Variants in ZFP36 observed in about 807,000 individuals in gnomAD.
ZFP36 encodes ZFP36 zinc finger CCCH-type.
Under a neutral mutation model 19.8 loss-of-function variants are expected in ZFP36, and 13 were observed. The observed-to-expected ratio is 0.66, with a 90% CI of 0.43 to 1.04. ZFP36 has a LOEUF of 1.04. Ranked by LOEUF, ZFP36 falls within the 50% of genes least tolerant of loss-of-function variation. The pLI is 0.00. For missense variants in ZFP36, 354 were observed against 441.6 expected (o/e 0.80, Z 1.78); for synonymous variants, 191 against 194.5 (o/e 0.98, Z 0.15).
In ZFP36 at chr19:39,407,091, C is replaced by A; in HGVS notation, c.24+163C>A. On this transcript the variant is annotated intron_variant, in intron 1 of 1. Coordinates refer to ENST00000597629, the MANE Select transcript of ZFP36 (RefSeq NM_003407.5). The surrounding 1 kb of genome is among the most constrained non-coding windows in gnomAD (Gnocchi z 7.6). Reference sequence around the variant, plus strand: ...CTGGGGCCCCTGCCTCCCGCTCAGACCAGCTTGGTGATTTGGAGGTGAAAA... The same window carrying A: ...CTGGGGCCCCTGCCTCCCGCTCAGAACAGCTTGGTGATTTGGAGGTGAAAA... 1.3e-6 allele frequency: 1 copy of A among 747,540 alleles called. No individual in the cohort carries two copies. Among genetic ancestry groups the A allele is most frequent in the Non-Finnish European group, 2.0e-6 (1 of 489,514 alleles). The allele number at this position is 747,540 out of a possible 1,614,324, so 46.3% of individuals were successfully genotyped here.
In ZFP36 at chr19:39,408,163, A is replaced by G; in HGVS notation, c.445A>G (p.Lys149Glu). 1.2e-6 allele frequency: 2 copies of G among 1,613,930 alleles called. No homozygotes were observed. ...CAAATACAAGACGGAACTCTGTCACAAGTTCTACCTCCAGGGCCGCTGCCC... is the reference window on the plus strand; with the variant it reads ...CAAATACAAGACGGAACTCTGTCACGAGTTCTACCTCCAGGGCCGCTGCCC... Reference protein sequence around the residue: ...HPKYKTELCHKFYLQGRCPYG... With the variant: ...HPKYKTELCHEFYLQGRCPYG... Residue 149 changes from lysine to glutamate, a missense_variant, in exon 2 of 2, where the codon AAG (lysine) becomes GAG (glutamate). Physicochemically the swap from Lys to Glu is moderately conservative, Grantham distance 56. Transcript: ENST00000597629. The surrounding 1 kb of genome is among the most constrained non-coding windows in gnomAD (Gnocchi z 6.0).
Position 39,408,798 on chromosome 19 carries a change from G to A in ZFP36, c.*99G>A. On this transcript the variant is annotated 3_prime_UTR_variant, in exon 2 of 2. Transcript: ENST00000597629. This position sits in a 1 kb window ranked among gnomAD's most constrained non-coding sequence, Gnocchi z 6.0. ...GACCCCAGGGCTGTGGGGACTTGGG[G>A]GACAGTAATCAAGTAATCCCCTTTT... 4.1e-6 allele frequency: 5 copies of A among 1,221,018 alleles called. No homozygotes were observed. Among genetic ancestry groups the A allele is most frequent in the Non-Finnish European group, 5.6e-6 (5 of 887,802 alleles). The allele number at this position is 1,221,018 out of a possible 1,614,324, so 75.6% of individuals were successfully genotyped here.
chr19:39,407,297 T>C lies in ZFP36; in HGVS notation c.24+369T>C. ...CGCGGAGGCGTCTCTGGGGCTGAAG[T>C]CTCAGGGTGGGGGGATCCGACTTCT... On this transcript the variant is annotated intron_variant, in intron 1 of 1. Coordinates refer to ENST00000597629, the MANE Select transcript of ZFP36 (RefSeq NM_003407.5). The surrounding 1 kb of genome is among the most constrained non-coding windows in gnomAD (Gnocchi z 7.6). 2.2e-6 allele frequency: 1 copy of C among 458,780 alleles called. No individual in the cohort carries two copies. The highest frequency in any genetic ancestry group is 3.8e-6 in the Non-Finnish European group (1 of 261,382). The allele number at this position is 458,780 out of a possible 1,614,324, so 28.4% of individuals were successfully genotyped here.
rs1414909836 is a variant in ZFP36, at chr19:39,408,968, G to C, written c.*269G>C. 1 of 346,528 alleles carries C rather than the reference G, an allele frequency of 2.9e-6. No individual in the cohort carries two copies. The highest frequency in any genetic ancestry group is 4.3e-5 in the Admixed American group (1 of 23,004). 21.5% of individuals were successfully genotyped at this position (346,528 alleles called of 1,614,324 possible). On this transcript the variant is annotated 3_prime_UTR_variant, in exon 2 of 2. Transcript: ENST00000597629. The surrounding 1 kb of genome is among the most constrained non-coding windows in gnomAD (Gnocchi z 6.0). ...TTGTAGCATATTTAAGGGAGGCAAT[G>C]AACCCTCTCCCCCACCTCTTCCCTG...
Position 39,407,738 on chromosome 19 carries a change from C to T in ZFP36, c.25-5C>T. The stretch of plus-strand genomic sequence containing the variant: ...TCAGGTGCCTTAACCGACCCATTTC[C>T]GCAGAGCCTCCTGTCGCTGAGCCCT... On this transcript the variant is annotated splice_polypyrimidine_tract_variant and splice_region_variant and intron_variant, in intron 1 of 1. Transcript: ENST00000597629. The surrounding 1 kb of genome is among the most constrained non-coding windows in gnomAD (Gnocchi z 7.6). 3 of 1,523,294 alleles carry T rather than the reference C, an allele frequency of 2.0e-6. No homozygotes were observed. Among genetic ancestry groups the T allele is most frequent in the Middle Eastern group, 2.4e-4 (1 of 4,130 alleles). 94.4% of individuals were successfully genotyped at this position (1,523,294 alleles called of 1,614,324 possible).
rs748479085 is a variant in ZFP36, at chr19:39,406,931, G to A, written c.24+3G>A. ...TGGATCTGACTGCCATCTACGAGGT[G>A]AGTCCCCGCCGCACGGCATCCCCGG... On this transcript the variant is annotated splice_donor_region_variant and intron_variant, in intron 1 of 1. Coordinates refer to ENST00000597629, the MANE Select transcript of ZFP36 (RefSeq NM_003407.5). 24 of 1,611,616 alleles carry A rather than the reference G, an allele frequency of 1.5e-5. No individual in the cohort carries two copies. The highest frequency in any genetic ancestry group is 2.0e-5 in the Non-Finnish European group (24 of 1,179,410).
At position 39,408,178 on chromosome 19, in the gene ZFP36, G is replaced by T; in HGVS notation, c.460G>T (p.Gly154Cys). 1 of 1,613,890 alleles carries T rather than the reference G, an allele frequency of 6.2e-7. No homozygotes were observed. Residue 154 changes from glycine to cysteine, a missense_variant, in exon 2 of 2, where the codon GGC becomes TGC. Coordinates refer to ENST00000597629, the MANE Select transcript of ZFP36 (RefSeq NM_003407.5). This position sits in a 1 kb window ranked among gnomAD's most constrained non-coding sequence, Gnocchi z 6.0. Reference sequence around the variant, plus strand: ...ACTCTGTCACAAGTTCTACCTCCAGGGCCGCTGCCCCTACGGCTCTCGCTG... The same window carrying T: ...ACTCTGTCACAAGTTCTACCTCCAGTGCCGCTGCCCCTACGGCTCTCGCTG... ...TELCHKFYLQ[G>C]RCPYGSRCHF...
chr19:39,407,096 T>C lies in ZFP36; in HGVS notation c.24+168T>C. The C allele has an allele frequency of 1.4e-6, 1 of 708,742 alleles. No homozygotes were observed. Among genetic ancestry groups the C allele is most frequent in the Non-Finnish European group, 2.2e-6 (1 of 458,276 alleles). The allele number at this position is 708,742 out of a possible 1,614,324, so 43.9% of individuals were successfully genotyped here. ...GCCCCTGCCTCCCGCTCAGACCAGC[T>C]TGGTGATTTGGAGGTGAAAATGGAA... On this transcript the variant is annotated intron_variant, in intron 1 of 1. Transcript: ENST00000597629. This position sits in a 1 kb window ranked among gnomAD's most constrained non-coding sequence, Gnocchi z 7.6.
chr19:39,408,491 C>T lies in ZFP36; in HGVS notation c.773C>T (p.Pro258Leu), dbSNP rs766897639. 6.2e-7 allele frequency: 1 copy of T among 1,605,564 alleles called. No individual in the cohort carries two copies. The highest frequency in any genetic ancestry group is 8.5e-7 in the Non-Finnish European group (1 of 1,175,224). ...VCCPSCRRAT[P>L]ISVWGPLGGL... ...TGCCCCTCCTGCCGAAGGGCCACTC[C>T]TATCAGCGTCTGGGGGCCCTTGGGT... The change falls in exon 2 of 2, where the codon CCT (proline) becomes CTT (leucine). Residue 258 changes from proline (P) to leucine (L), a missense_variant. By Grantham distance (98) the Pro-to-Leu change is moderately conservative (BLOSUM62 -3). Coordinates refer to ENST00000597629, the MANE Select transcript of ZFP36 (RefSeq NM_003407.5). This position sits in a 1 kb window ranked among gnomAD's most constrained non-coding sequence, Gnocchi z 6.0.
At position 39,408,850 on chromosome 19, in the gene ZFP36, A is replaced by G; in HGVS notation, c.*151A>G. On this transcript the variant is annotated 3_prime_UTR_variant, in exon 2 of 2. Transcript: ENST00000597629. The surrounding 1 kb of genome is among the most constrained non-coding windows in gnomAD (Gnocchi z 6.0). ...CAGAATGCATTAACCCACTCCCCTG[A>G]CCTCACGCTGGGGCAGGTCCCCAAG... 1.4e-6 allele frequency: 1 copy of G among 706,252 alleles called. No individual in the cohort carries two copies. The highest frequency in any genetic ancestry group is 2.2e-6 in the Non-Finnish European group (1 of 459,612). The allele number at this position is 706,252 out of a possible 1,614,324, so 43.7% of individuals were successfully genotyped here.
chr19:39,407,786 A>G lies in ZFP36; in HGVS notation c.68A>G (p.His23Arg). The G allele has an allele frequency of 6.3e-7, 1 of 1,577,708 alleles. No individual in the cohort carries two copies. The highest frequency in any genetic ancestry group is 1.2e-5 in the South Asian group (1 of 86,408). The change falls in exon 2 of 2, where the codon CAT (histidine) becomes CGT (arginine). Residue 23 changes from histidine (H) to arginine (R), a missense_variant. His to Arg is a conservative substitution (Grantham distance 29, BLOSUM62 0). Transcript: ENST00000597629. The surrounding 1 kb of genome is among the most constrained non-coding windows in gnomAD (Gnocchi z 7.6). ...LSPDVPVPSD[H>R]GGTESSPGWG... ...CCTGACGTGCCCGTGCCATCCGACC[A>G]TGGAGGGACTGAGTCCAGCCCAGGC...
At position 39,408,276 on chromosome 19, in the gene ZFP36, C is replaced by T. The variant is rs2078487966; in HGVS notation, c.558C>T (p.Ser186=). The T allele has an allele frequency of 6.2e-7, 1 of 1,613,482 alleles. No homozygotes were observed. Among genetic ancestry groups the T allele is most frequent in the Non-Finnish European group, 8.5e-7 (1 of 1,179,868 alleles). The change falls in exon 2 of 2, where the codon AGC becomes AGT. Residue 186 remains serine, a synonymous_variant. Transcript: ENST00000597629. The surrounding 1 kb of genome is among the most constrained non-coding windows in gnomAD (Gnocchi z 6.0). Reference sequence around the variant, plus strand: ...CTCCTGTGCTTCGCCAGAGCATCAGCTTCTCCGGCCTGCCCTCTGGCCGCC... The same window carrying T: ...CTCCTGTGCTTCGCCAGAGCATCAGTTTCTCCGGCCTGCCCTCTGGCCGCC... ...GHPPVLRQSI[S]FSGLPSGRRT...
At position 39,407,429 on chromosome 19, in the gene ZFP36, G is replaced by C. The variant is rs1021192154; in HGVS notation, c.25-314G>C. 2.4e-5 allele frequency: 10 copies of C among 412,064 alleles called. No individual in the cohort carries two copies. In the Admixed American group the frequency reaches 4.1e-4, roughly 17 times the overall value. 25.5% of individuals were successfully genotyped at this position (412,064 alleles called of 1,614,324 possible). A position where few individuals can be genotyped will look rare whatever the true frequency, so the allele number is the denominator to read the frequency against. ...CTCCAGTTGTGAAACTGGAGATCCCGACGCGTGGGTCATATCCGGGGAGGA... is the reference window on the plus strand; with the variant it reads ...CTCCAGTTGTGAAACTGGAGATCCCCACGCGTGGGTCATATCCGGGGAGGA... On this transcript the variant is annotated intron_variant, in intron 1 of 1. Coordinates refer to ENST00000597629, the MANE Select transcript of ZFP36 (RefSeq NM_003407.5). The surrounding 1 kb of genome is among the most constrained non-coding windows in gnomAD (Gnocchi z 7.6).
chr19:39,408,359 C>T lies in ZFP36; in HGVS notation c.641C>T (p.Ser214Leu). 1.2e-6 allele frequency: 2 copies of T among 1,613,742 alleles called. No homozygotes were observed. Among genetic ancestry groups the T allele is most frequent in the Non-Finnish European group, 1.7e-6 (2 of 1,179,958 alleles). ...CCTTCCCTGTCCTCCAGCTCCTTCT[C>T]GCCCTCCAGCTCCCCACCACCACCT... ...AGPSLSSSSF[S>L]PSSSPPPPGD... Residue 214 changes from serine to leucine, a missense_variant, in exon 2 of 2, where the codon TCG (serine) becomes TTG (leucine). Coordinates refer to ENST00000597629, the MANE Select transcript of ZFP36 (RefSeq NM_003407.5). This position sits in a 1 kb window ranked among gnomAD's most constrained non-coding sequence, Gnocchi z 6.0.
At position 39,408,940 on chromosome 19, in the gene ZFP36, A is replaced by T. The variant is rs1398223311; in HGVS notation, c.*241A>T. On this transcript the variant is annotated 3_prime_UTR_variant, in exon 2 of 2. Coordinates refer to ENST00000597629, the MANE Select transcript of ZFP36 (RefSeq NM_003407.5). This position sits in a 1 kb window ranked among gnomAD's most constrained non-coding sequence, Gnocchi z 6.0. The stretch of plus-strand genomic sequence containing the variant: ...TCTTCCGAGGTTCTTGGGGGAAAAA[A>T]AATTGTAGCATATTTAAGGGAGGCA... 4.9e-6 allele frequency: 2 copies of T among 408,592 alleles called. No homozygotes were observed. The highest frequency in any genetic ancestry group is 7.6e-5 in the East Asian group (2 of 26,420). 25.3% of individuals were successfully genotyped at this position (408,592 alleles called of 1,614,324 possible).
Position 39,407,078 on chromosome 19 carries a change from C to T in ZFP36, c.24+150C>T, listed in dbSNP as rs2078481564. ...CGCGCCCTCCAGCCTGGGGCCCCTGCCTCCCGCTCAGACCAGCTTGGTGAT... is the reference window on the plus strand; with the variant it reads ...CGCGCCCTCCAGCCTGGGGCCCCTGTCTCCCGCTCAGACCAGCTTGGTGAT... On this transcript the variant is annotated intron_variant, in intron 1 of 1. Transcript: ENST00000597629. The surrounding 1 kb of genome is among the most constrained non-coding windows in gnomAD (Gnocchi z 7.6). The T allele has an allele frequency of 1.1e-6, 1 of 894,416 alleles. No individual in the cohort carries two copies. The highest frequency in any genetic ancestry group is 1.8e-5 in the South Asian group (1 of 56,936). The allele number at this position is 894,416 out of a possible 1,614,324, so 55.4% of individuals were successfully genotyped here.
chr19:39,408,360 G>A lies in ZFP36; in HGVS notation c.642G>A (p.Ser214=), dbSNP rs1469223295. 1 of 1,613,396 alleles carries A rather than the reference G, an allele frequency of 6.2e-7. No individual in the cohort carries two copies. Among genetic ancestry groups the A allele is most frequent in the Non-Finnish European group, 8.5e-7 (1 of 1,179,896 alleles). The change falls in exon 2 of 2, where the codon TCG becomes TCA. Residue 214 remains serine, a synonymous_variant. Transcript: ENST00000597629. The surrounding 1 kb of genome is among the most constrained non-coding windows in gnomAD (Gnocchi z 6.0). The stretch of plus-strand genomic sequence containing the variant: ...CTTCCCTGTCCTCCAGCTCCTTCTC[G>A]CCCTCCAGCTCCCCACCACCACCTG... ...AGPSLSSSSF[S]PSSSPPPPGD...
rs1217603970 is a variant in ZFP36, at chr19:39,407,496, C to T, written c.25-247C>T. 4 of 451,436 alleles carry T rather than the reference C, an allele frequency of 8.9e-6. No homozygotes were observed. Among genetic ancestry groups the T allele is most frequent in the Non-Finnish European group, 1.6e-5 (4 of 255,674 alleles). 28.0% of individuals were successfully genotyped at this position (451,436 alleles called of 1,614,324 possible). On this transcript the variant is annotated intron_variant, in intron 1 of 1. Transcript: ENST00000597629. This position sits in a 1 kb window ranked among gnomAD's most constrained non-coding sequence, Gnocchi z 7.6. ...GGGAAACAGTGGTGCGCCCTGACTT[C>T]GGGGTCCCCCTCTTGGTCCAGCCGG...
Position 39,408,856 on chromosome 19 carries a change from C to G in ZFP36, c.*157C>G. On this transcript the variant is annotated 3_prime_UTR_variant, in exon 2 of 2. Transcript: ENST00000597629. The surrounding 1 kb of genome is among the most constrained non-coding windows in gnomAD (Gnocchi z 6.0). ...GCATTAACCCACTCCCCTGACCTCA[C>G]GCTGGGGCAGGTCCCCAAGTGTGCA... 1.5e-6 allele frequency: 1 copy of G among 654,456 alleles called. No homozygotes were observed. The highest frequency in any genetic ancestry group is 2.4e-6 in the Non-Finnish European group (1 of 418,460). The allele number at this position is 654,456 out of a possible 1,614,324, so 40.5% of individuals were successfully genotyped here.
Sources: allele counts gnomAD v4.1 joint callset, GRCh38; gene constraint gnomAD v4.1.1; non-coding constraint Gnocchi (gnomAD v3.1); transcripts MANE v1.5; gene names NCBI Gene and HGNC (gene_info 2026-07-23, HGNC 2026-07-21).